COL6A6: variants seen among roughly 807,000 people sequenced by gnomAD.
COL6A6 encodes collagen alpha-6(VI) chain.
COL6A6 carries 183 observed loss-of-function variants against 208.6 expected under a neutral mutation model. The ratio of observed to expected loss-of-function variants is 0.88; its 90% CI spans 0.78 to 0.99. The LOEUF (loss-of-function observed/expected upper bound fraction) is 0.99. COL6A6 is among the 50% of genes least tolerant of loss of function. COL6A6 has a pLI of 0.00. For missense variants in COL6A6, 2,816 were observed against 2,815.2 expected (o/e 1.00, Z -0.01); for synonymous variants, 973 against 1,011.8 (o/e 0.96, Z 0.73).
rs116179798 is a variant in COL6A6 at position 130,619,550 on chromosome 3, T to A, written c.4816-2271T>A. Among the ~76,000 whole-genome samples the A allele has an allele frequency of 4.9e-3, 743 of 152,364 alleles. 9 individuals carry two copies. The highest frequency in any genetic ancestry group is 0.017 in the African/African-American group (695 of 41,582). ...ACTTTATTCTGAAAGATATTCAGAA[T>A]TTCAGACAAAGTGGTAACATCAGCC... On this transcript the variant is annotated intron_variant, in intron 23 of 36. Coordinates refer to ENST00000358511, the MANE Select transcript of COL6A6 (RefSeq NM_001102608.3).
At chr3:130,563,045 T>C (rs1220693897) in intron 2 of COL6A6, 23 bp from the exon 3 acceptor site, 1 of 1,565,102 alleles carries the variant, frequency 6.4e-7, no homozygotes, top group Non-Finnish European at 8.7e-7. Flanking sequence ...TTTTGGTTCG[T>C]TCATATGTTT....
At chr3:130,558,798 C>T (rs1430916394) in intron 1 of COL6A6, among the ~76,000 whole-genome samples, 2 of 152,028 alleles carry the variant, frequency 1.3e-5, no homozygotes, top group African/African-American at 4.8e-5. Context: ...GGTATGAAAA[C>T]AAGTACCAAA....
intron 1 of COL6A6, among the ~76,000 whole-genome samples, chr3:130,524,949 C>T (rs2061930310): frequency 6.6e-6 from 1 of 152,212 alleles, no homozygotes; most frequent in African/African-American, 2.4e-5. Context: ...ATGACTTCAG[C>T]TCTTCACAAG....
intron 32 of COL6A6, among the ~76,000 whole-genome samples, chr3:130,645,748 C>T (rs372857771): frequency 6.6e-6 from 1 of 152,136 alleles, no homozygotes; most frequent in East Asian, 1.9e-4. Flanking sequence ...GGAGCTCATG[C>T]CTAATGTTAA....
rs1280080808 is a variant in COL6A6, at chr3:130,676,843, A to G, written c.*1446A>G. ...CATCAGGTTTGCTTCATCTATCCTA[A>G]GTGGTGCTTAGGGGTTCAGAAAAAA... On this transcript the variant is annotated 3_prime_UTR_variant, in exon 37 of 37. Transcript: ENST00000358511. 1 of 152,236 alleles carries G rather than the reference A, an allele frequency of 6.6e-6. No individual in the cohort carries two copies. Among genetic ancestry groups the G allele is most frequent in the Admixed American group, 6.5e-5 (1 of 15,278 alleles). The allele number at this position is 152,236 out of a possible 1,614,324, so 9.4% of individuals were successfully genotyped here. A position where few individuals can be genotyped will look rare whatever the true frequency, so the allele number is the denominator to read the frequency against.
rs369335538 is a variant in COL6A6 at position 130,662,098 on chromosome 3, G to A, written c.6292G>A (p.Gly2098Arg). The A allele has an allele frequency of 6.2e-7, 1 of 1,613,988 alleles. No homozygotes were observed. The highest frequency in any genetic ancestry group is 1.1e-5 in the South Asian group (1 of 91,074). The stretch of plus-strand genomic sequence containing the variant: ...TGCTGGGGAAACCAGCCACTTAGAT[G>A]GGGAAATCTTAAAGAAGGAATCCTT... The part of the protein sequence containing the change: ...ISAGETSHLD[G>R]EILKKESLRA... The change falls in exon 35 of 37, where the codon GGG (glycine) becomes AGG (arginine). Residue 2098 changes from glycine (G) to arginine (R), a missense_variant. Transcript: ENST00000358511.
In COL6A6 at chr3:130,571,303, A is replaced by G. The variant is rs1318533952; in HGVS notation, c.2887A>G (p.Ser963Gly). 6.2e-7 allele frequency: 1 copy of G among 1,613,850 alleles called. No homozygotes were observed. Among genetic ancestry groups the G allele is most frequent in the African/African-American group, 1.3e-5 (1 of 74,940 alleles). ...PVELLAMAGS[S>G]DKYFFVETFG... The stretch of plus-strand genomic sequence containing the variant: ...GGAGCTGTTAGCCATGGCAGGATCA[A>G]GCGACAAGTACTTCTTCGTGGAGAC... The change falls in exon 7 of 37, where the codon AGC (serine) becomes GGC (glycine). Residue 963 changes from serine to glycine, a missense_variant. By Grantham distance (56) the Ser-to-Gly change is moderately conservative. Coordinates refer to ENST00000358511, the MANE Select transcript of COL6A6 (RefSeq NM_001102608.3).
At chr3:130,646,999 T>A (rs2065479860) in intron 32 of COL6A6, among the ~76,000 whole-genome samples, 1 of 152,142 alleles carries the variant, frequency 6.6e-6, no homozygotes, top group African/African-American at 2.4e-5. Flanking sequence ...ATAAGGACCA[T>A]CAGTGTTGTG....
chr3:130,592,813 A>G, intron 15 of COL6A6, 91 bp downstream of exon 15: 1 of 1,274,692 alleles, frequency 7.8e-7, no homozygotes, highest in Non-Finnish European at 1.1e-6. Context: ...TTATACAAAT[A>G]AAGTTGTCAT....
intron 7 of COL6A6, among the ~76,000 whole-genome samples, chr3:130,573,631 A>C (rs977520772): frequency 8.9e-5 from 13 of 146,724 alleles, no homozygotes; most frequent in African/African-American, 3.3e-4. Flanking sequence ...CAGAGGCACA[A>C]TCTCGGCTCA....
intron 1 of COL6A6, among the ~76,000 whole-genome samples, chr3:130,532,320 A>T (rs2062115974): frequency 6.6e-6 from 1 of 152,154 alleles, no homozygotes; most frequent in Non-Finnish European, 1.5e-5. Flanking sequence ...TTTACAGAAA[A>T]ATAGTTTCTG....
At chr3:130,658,262 A>G (rs2065847007) in intron 33 of COL6A6, among the ~76,000 whole-genome samples, 1 of 152,174 alleles carries the variant, frequency 6.6e-6, no homozygotes, top group Non-Finnish European at 1.5e-5. Flanking sequence ...TTAACGTTTC[A>G]TTGAGCTTCA....
chr3:130,557,495 A>C (rs2062792973), intron 1 of COL6A6, among the ~76,000 whole-genome samples: 1 of 152,230 alleles, frequency 6.6e-6, no homozygotes, highest in Non-Finnish European at 1.5e-5. Flanking sequence ...GAAATAATGA[A>C]GACATCAGGG....
chr3:130,598,613 A>T (rs899193452), intron 19 of COL6A6, among the ~76,000 whole-genome samples, 183 bp downstream of exon 19: 1 of 152,212 alleles, frequency 6.6e-6, no homozygotes, highest in Non-Finnish European at 1.5e-5. Context: ...GATTTGAGAA[A>T]CATTCTTGCC....
At chr3:130,661,510 C>T (rs766407672) in intron 34 of COL6A6, 127 bp from the exon 35 acceptor site, 9 of 715,096 alleles carry the variant, frequency 1.3e-5, no homozygotes, top group African/African-American at 3.6e-5. Flanking sequence ...CTTCCTGTTA[C>T]TATTAAAGTA....
At chr3:130,561,440 C>T (rs1331709416) in intron 2 of COL6A6, among the ~76,000 whole-genome samples, 1 of 152,142 alleles carries the variant, frequency 6.6e-6, no homozygotes, top group South Asian at 2.1e-4. Context: ...AATTATTTTA[C>T]CCATTATGCC....
At chr3:130,571,818 G>A (rs2063173951) in intron 7 of COL6A6, among the ~76,000 whole-genome samples, 2 of 149,646 alleles carry the variant, frequency 1.3e-5, no homozygotes, top group South Asian at 4.3e-4. Flanking sequence ...TGGGACTACA[G>A]ATGTGTGGCA....
At chr3:130,556,555 C>G (rs1000648651) in intron 1 of COL6A6, among the ~76,000 whole-genome samples, 2 of 152,054 alleles carry the variant, frequency 1.3e-5, no homozygotes, top group African/African-American at 4.8e-5. Flanking sequence ...ATATGATTAT[C>G]TATTTGCATT....
intron 1 of COL6A6, among the ~76,000 whole-genome samples, chr3:130,525,526 G>T (rs932282000): frequency 6.6e-6 from 1 of 152,128 alleles, no homozygotes; most frequent in African/African-American, 2.4e-5. Flanking sequence ...AGCAGAAATG[G>T]ATCTCACAAA....
Sources: gnomAD v4.1 joint callset for allele counts (sites outside exome capture counted in the v4.1 genomes callset) on GRCh38, gnomAD v4.1.1 for gene constraint, MANE v1.5 for transcripts, NCBI Gene and HGNC (gene_info 2026-07-23, HGNC 2026-07-21) for gene names.